IQGAP2: variants seen among roughly 807,000 people sequenced by gnomAD.
IQGAP2 encodes ras GTPase-activating-like protein IQGAP2.
IQGAP2 carries 173 observed loss-of-function variants against 201.3 expected under a neutral mutation model. That is an observed-to-expected ratio of 0.86 (90% CI 0.76 to 0.98). IQGAP2 has a LOEUF of 0.98. Ranked by LOEUF, IQGAP2 falls within the 50% of genes least tolerant of loss-of-function variation. The pLI, the probability that IQGAP2 is intolerant of heterozygous loss-of-function variation, is 0.00. For synonymous variants in IQGAP2, 675 were observed against 673.9 expected, an observed-to-expected ratio of 1.00 and a Z score of -0.03; for missense variants, 1,687 against 1,864.8, an observed-to-expected ratio of 0.90 and a Z score of 1.76.
chr5:76,704,687 T>C lies in IQGAP2; in HGVS notation c.4614+2097T>C, dbSNP rs539932128. On this transcript the variant is annotated intron_variant, in intron 35 of 35. Coordinates refer to ENST00000274364, the MANE Select transcript of IQGAP2 (RefSeq NM_006633.5). ...ATGATGACAGAAGAGAATAAAACCC[T>C]GGGCATGGGACCCTGTGCGGCTGCA... 4.6e-5 allele frequency among the ~76,000 whole-genome samples: 7 copies of C among 152,330 alleles called. No individual in the cohort carries two copies. The East Asian group carries it at 1.4e-3, about 29-fold the overall frequency.
At chr5:76,521,350 A>G (rs1758676034) in intron 2 of IQGAP2, among the ~76,000 whole-genome samples, 1 of 152,208 alleles carries the variant, frequency 6.6e-6, no homozygotes, top group African/African-American at 2.4e-5. Flanking sequence ...ACCAGAGAGC[A>G]TACTTACGTC....
At chr5:76,486,066 A>G (rs897677522) in intron 2 of IQGAP2, among the ~76,000 whole-genome samples, 3 of 152,142 alleles carry the variant, frequency 2.0e-5, no homozygotes, top group East Asian at 1.9e-4. Context: ...GATAGTTGCT[A>G]TGGTAACTTT....
intron 17 of IQGAP2, among the ~76,000 whole-genome samples, chr5:76,646,331 C>T (rs427380): frequency 0.62 from 94,077 of 152,022 alleles, 29,268 homozygotes; most frequent in South Asian, 0.78. Context: ...ATTTTCTAAA[C>T]GGATAATTAA....
chr5:76,431,451 T>G (rs896769232), intron 1 of IQGAP2, among the ~76,000 whole-genome samples: 3 of 152,180 alleles, frequency 2.0e-5, no homozygotes, highest in Non-Finnish European at 4.4e-5. Flanking sequence ...GTACAGTAGG[T>G]GTGGCATGGG....
At chr5:76,585,059 G>T (rs1266710424) in intron 5 of IQGAP2, among the ~76,000 whole-genome samples, 2 of 152,108 alleles carry the variant, frequency 1.3e-5, no homozygotes, top group African/African-American at 4.8e-5. Context: ...AATAAAATTT[G>T]TAGATATCTA....
intron 2 of IQGAP2, among the ~76,000 whole-genome samples, chr5:76,492,897 A>G (rs1756645997): frequency 6.6e-6 from 1 of 152,202 alleles, no homozygotes; most frequent in Non-Finnish European, 1.5e-5. Context: ...GTTTCTAGTG[A>G]GAAGATTCCA....
chr5:76,639,489 T>C (rs1468602991), intron 16 of IQGAP2, among the ~76,000 whole-genome samples: 2 of 152,166 alleles, frequency 1.3e-5, no homozygotes, highest in Admixed American at 1.3e-4. Flanking sequence ...TCACCAACAT[T>C]GCTTTGGATT....
chr5:76,689,322 A>G lies in IQGAP2; in HGVS notation c.3906-4033A>G, dbSNP rs141295990. On this transcript the variant is annotated intron_variant, in intron 30 of 35. Coordinates refer to ENST00000274364, the MANE Select transcript of IQGAP2 (RefSeq NM_006633.5). ...GGGATGACATAGGGTTATAGCCTCA[A>G]TCTATCACTTATTAACCATGGAACT... Among the ~76,000 whole-genome samples, 14 of 151,402 alleles carry G rather than the reference A, an allele frequency of 9.2e-5. No homozygotes were observed. The East Asian group carries it at 2.3e-3, about 25-fold the overall frequency.
chr5:76,425,945 T>C (rs568342400), intron 1 of IQGAP2, among the ~76,000 whole-genome samples: 1 of 152,288 alleles, frequency 6.6e-6, no homozygotes, highest in Non-Finnish European at 1.5e-5. Flanking sequence ...AATTCTTGGG[T>C]ACTAACTTCA....
chr5:76,463,585 T>C (rs1281924612), intron 2 of IQGAP2, among the ~76,000 whole-genome samples: 2 of 152,240 alleles, frequency 1.3e-5, no homozygotes, highest in Non-Finnish European at 2.9e-5. Flanking sequence ...ATTGAAATGG[T>C]ATAAATGTAG....
chr5:76,683,267 GGGTT>G (rs746060446), intron 29 of IQGAP2, 50 bp downstream of exon 29: 15 of 1,322,072 alleles, frequency 1.1e-5, no homozygotes, highest in Non-Finnish European at 1.5e-5. Context: ...TTAATTGGGT[GGGTT>G]GGTTGGTTGG....
chr5:76,517,836 T>G (rs1580367243), intron 2 of IQGAP2, among the ~76,000 whole-genome samples: 1 of 152,196 alleles, frequency 6.6e-6, no homozygotes, highest in East Asian at 1.9e-4. Flanking sequence ...TATTTTAGAG[T>G]AGGAACTCAC....
chr5:76,510,139 A>G (rs1386159049), intron 2 of IQGAP2, among the ~76,000 whole-genome samples: 2 of 151,956 alleles, frequency 1.3e-5, no homozygotes, highest in African/African-American at 4.8e-5. Flanking sequence ...AGCTGGGATT[A>G]CAGGCACCCG....
chr5:76,546,098 GCTTT>G (rs1458271863), intron 2 of IQGAP2, among the ~76,000 whole-genome samples: 2 of 152,238 alleles, frequency 1.3e-5, no homozygotes, highest in East Asian at 3.9e-4. Flanking sequence ...TTTACCTCTT[GCTTT>G]ATTTCCAGAA....
chr5:76,567,774 G>A (rs947259705), intron 3 of IQGAP2, among the ~76,000 whole-genome samples: 1 of 152,160 alleles, frequency 6.6e-6, no homozygotes, highest in African/African-American at 2.4e-5. Context: ...GTTTTAAAAT[G>A]CTCTAATTCC....
At chr5:76,688,173 C>G (rs1214272203) in intron 30 of IQGAP2, among the ~76,000 whole-genome samples, 1 of 152,160 alleles carries the variant, frequency 6.6e-6, no homozygotes, top group Non-Finnish European at 1.5e-5. Flanking sequence ...CGGACAATGA[C>G]TTTTATAAGT....
At chr5:76,683,501 G>A (rs190571407) in intron 29 of IQGAP2, among the ~76,000 whole-genome samples, 16 of 150,300 alleles carry the variant, frequency 1.1e-4, no homozygotes, top group Non-Finnish European at 2.4e-4. Context: ...CATCAATAAA[G>A]AACCAAATTT....
In IQGAP2 at chr5:76,668,836, A is replaced by G; in HGVS notation, c.2835A>G (p.Glu945=). The part of the protein sequence containing the change: ...LLKLFKTALE[E]EIKSKVDQVQ... Reference sequence around the variant, plus strand: ...AGCTTTTTAAAACTGCTCTGGAGGAAGAAATAAAGTATGTATACAAATATG... The same window carrying G: ...AGCTTTTTAAAACTGCTCTGGAGGAGGAAATAAAGTATGTATACAAATATG... The change falls in exon 23 of 36, where the codon GAA becomes GAG. Residue 945 remains glutamate (E), a synonymous_variant. Coordinates refer to ENST00000274364, the MANE Select transcript of IQGAP2 (RefSeq NM_006633.5). 1.9e-6 allele frequency: 3 copies of G among 1,585,174 alleles called. No individual in the cohort carries two copies. The highest frequency in any genetic ancestry group is 2.6e-6 in the Non-Finnish European group (3 of 1,163,924).
intron 21 of IQGAP2, among the ~76,000 whole-genome samples, chr5:76,660,645 T>G (rs938672335): frequency 1.4e-4 from 22 of 151,944 alleles, no homozygotes; most frequent in African/African-American, 4.6e-4. Flanking sequence ...TTGTGGGGGT[T>G]TTTTAAAGCC....
Sources: gnomAD v4.1 joint callset for allele counts (sites outside exome capture counted in the v4.1 genomes callset) on GRCh38, gnomAD v4.1.1 for gene constraint, MANE v1.5 for transcripts, NCBI Gene and HGNC (gene_info 2026-07-23, HGNC 2026-07-21) for gene names.